Variants in GPAT4 observed in about 807,000 individuals in gnomAD.
GPAT4 encodes the protein glycerol-3-phosphate acyltransferase 4.
Under a neutral mutation model 58.0 loss-of-function variants are expected in GPAT4, and 17 were observed. That is an observed-to-expected ratio of 0.29 (90% CI 0.20 to 0.44). GPAT4 has a LOEUF of 0.44. Among genes scored for constraint, GPAT4 ranks in the 20% least tolerant of loss-of-function variants. The probability of loss-of-function intolerance (pLI) is 1.00; values close to 1 mark genes in which losing one functional copy is unlikely to be tolerated. For synonymous variants in GPAT4, 204 were observed against 210.1 expected, an observed-to-expected ratio of 0.97 and a Z score of 0.25; for missense variants, 377 against 574.5, an observed-to-expected ratio of 0.66 and a Z score of 3.51.
rs1185768107 is a variant in GPAT4 at position 41,598,817 on chromosome 8, C to G, written c.-323C>G. The G allele has an allele frequency of 3.5e-6, 1 of 288,148 alleles. No homozygotes were observed. Among genetic ancestry groups the G allele is most frequent in the African/African-American group, 2.2e-5 (1 of 45,098 alleles). The allele number at this position is 288,148 out of a possible 1,614,324, so 17.8% of individuals were successfully genotyped here. A position where few individuals can be genotyped will look rare whatever the true frequency, so the allele number is the denominator to read the frequency against. ...GCATCAGGACAGCAGAGCAGAGCCC[C>G]CGTCCTCACTGCTCACTTGCACAGA... On this transcript the variant is annotated 5_prime_UTR_variant, in exon 2 of 13. Transcript: ENST00000396987.
intron 1 of GPAT4, among the ~76,000 whole-genome samples, chr8:41,581,914 T>G (rs1210913980): frequency 2.1e-5 from 3 of 143,938 alleles, no homozygotes; most frequent in Non-Finnish European, 3.0e-5. Flanking sequence ...ATTACAGGCG[T>G]GAGCCATCGC....
intron 1 of GPAT4, among the ~76,000 whole-genome samples, chr8:41,596,281 C>T (rs549557954): frequency 1.1e-4 from 17 of 152,192 alleles, no homozygotes; most frequent in Admixed American, 3.9e-4. Context: ...AAACAAAGAA[C>T]GGGTAAAAAG....
Position 41,599,033 on chromosome 8 carries a change from T to C in GPAT4, c.-107T>C. ...ACTTTGGAATGGGGTTTGCTGTTCT[T>C]CGGGAACTTGCTTCCTTTCCCTGGC... On this transcript the variant is annotated 5_prime_UTR_variant, in exon 2 of 13. Coordinates refer to ENST00000396987, the MANE Select transcript of GPAT4 (RefSeq NM_178819.4). 1 of 1,430,886 alleles carries C rather than the reference T, an allele frequency of 7.0e-7. No individual in the cohort carries two copies. Among genetic ancestry groups the C allele is most frequent in the Non-Finnish European group, 9.4e-7 (1 of 1,059,972 alleles). The allele number at this position is 1,430,886 out of a possible 1,614,324, so 88.6% of individuals were successfully genotyped here. A position where few individuals can be genotyped will look rare whatever the true frequency, so the allele number is the denominator to read the frequency against.
At chr8:41,593,721 T>C (rs1802853591) in intron 1 of GPAT4, among the ~76,000 whole-genome samples, 2 of 152,236 alleles carry the variant, frequency 1.3e-5, no homozygotes, top group African/African-American at 4.8e-5. Flanking sequence ...AACGTGATCC[T>C]CAGGCTGGTG....
chr8:41,591,364 C>G (rs1802784837), intron 1 of GPAT4, among the ~76,000 whole-genome samples: 1 of 152,156 alleles, frequency 6.6e-6, no homozygotes, highest in African/African-American at 2.4e-5. Context: ...AGAAATTGGG[C>G]ATAAGACAGT....
chr8:41,611,143 T>G (rs759234548), intron 5 of GPAT4, among the ~76,000 whole-genome samples: 1 of 152,196 alleles, frequency 6.6e-6, no homozygotes, highest in Non-Finnish European at 1.5e-5. Context: ...GGAGAATCCT[T>G]GAATCCAGGG....
At chr8:41,582,124 C>G (rs1802531938) in intron 1 of GPAT4, among the ~76,000 whole-genome samples, 1 of 145,508 alleles carries the variant, frequency 6.9e-6, no homozygotes, top group South Asian at 2.3e-4. Context: ...ATTTCCCTAT[C>G]TCCCAAGTAG....
chr8:41,621,290 A>T lies in GPAT4; in HGVS notation c.*289A>T. 2.4e-6 allele frequency: 1 copy of T among 417,630 alleles called. No homozygotes were observed. The allele number at this position is 417,630 out of a possible 1,614,324, so 25.9% of individuals were successfully genotyped here. On this transcript the variant is annotated 3_prime_UTR_variant, in exon 13 of 13. Transcript: ENST00000396987. ...GGAATGCCATTAAAGTGAACTCCCC[A>T]CCTTTGCACGCTGTGCGGGCTGAGT... is the stretch of plus-strand genomic sequence containing the variant.
intron 1 of GPAT4, among the ~76,000 whole-genome samples, chr8:41,594,512 T>C (rs1802869592): frequency 6.6e-6 from 1 of 152,008 alleles, no homozygotes; most frequent in South Asian, 2.1e-4. Flanking sequence ...CAGACAATTC[T>C]TCGATATGTC....
intron 12 of GPAT4, among the ~76,000 whole-genome samples, chr8:41,620,257 G>C (rs1803708601): frequency 6.6e-6 from 1 of 151,522 alleles, no homozygotes; most frequent in African/African-American, 2.4e-5. Context: ...GCAGGCAAGA[G>C]GCAATGGGAC....
chr8:41,613,323 T>G (rs1435856217), intron 8 of GPAT4, among the ~76,000 whole-genome samples: 1 of 152,018 alleles, frequency 6.6e-6, no homozygotes, highest in African/African-American at 2.4e-5. Context: ...GTGACAGAGG[T>G]TGCAGTGAGC....
chr8:41,603,582 T>G (rs1274882447), intron 2 of GPAT4, among the ~76,000 whole-genome samples: 1 of 151,350 alleles, frequency 6.6e-6, no homozygotes. Context: ...TTAACTGATC[T>G]GGGTAGGCGT....
At chr8:41,605,551 TTTGTTTGTTTG>T (rs1563275511) in intron 2 of GPAT4, among the ~76,000 whole-genome samples, 1 of 1,496 alleles carries the variant, frequency 6.7e-4, no homozygotes, top group African/African-American at 2.2e-3. Context: ...TTGTGTTTTG[TTTGTTTGTTTG>T]TTTGTTTGTT....
At chr8:41,612,327 T>G in intron 7 of GPAT4, 54 bp downstream of exon 7, 1 of 1,586,926 alleles carries the variant, frequency 6.3e-7, no homozygotes. Flanking sequence ...TTTAGAGTGG[T>G]CAGGGCTAGG....
In GPAT4 at chr8:41,611,933, C is replaced by T; in HGVS notation, c.642C>T (p.His214=). The change falls in exon 6 of 13, where the codon CAC becomes CAT. Residue 214 remains histidine (H), a synonymous_variant. Transcript: ENST00000396987. The stretch of plus-strand genomic sequence containing the variant: ...AGGAGTTCATGAGTAAACATGTTCA[C>T]TTAATGTGTTACCGGATCTGCGTGC... ...RFKEFMSKHV[H]LMCYRICVRA... is the part of the protein sequence containing the mutation. The T allele has an allele frequency of 6.2e-7, 1 of 1,614,218 alleles. No homozygotes were observed.
Position 41,612,206 on chromosome 8 carries a change from T to A in GPAT4, c.728T>A (p.Ile243Asn). The stretch of plus-strand genomic sequence containing the variant: ...GAAAACAGACCAAGAAATGGTGGCA[T>A]CTGTGTGGCCAATCATACCTCACCG... ...DRENRPRNGG[I>N]CVANHTSPID... The change falls in exon 7 of 13, where the codon ATC (isoleucine) becomes AAC (asparagine). Residue 243 changes from isoleucine (I) to asparagine (N), a missense_variant. Physicochemically the swap from Ile to Asn is moderately radical, Grantham distance 149. Transcript: ENST00000396987. The A allele has an allele frequency of 6.2e-7, 1 of 1,614,242 alleles. No individual in the cohort carries two copies. Among genetic ancestry groups the A allele is most frequent in the Non-Finnish European group, 8.5e-7 (1 of 1,180,046 alleles).
At chr8:41,607,984 A>G (rs1803329968) in intron 2 of GPAT4, among the ~76,000 whole-genome samples, 1 of 152,242 alleles carries the variant, frequency 6.6e-6, no homozygotes, top group African/African-American at 2.4e-5. Flanking sequence ...AGTTCCAGGA[A>G]ACCAGATGAG....
intron 2 of GPAT4, among the ~76,000 whole-genome samples, chr8:41,609,162 A>C (rs962379948): frequency 1.2e-4 from 18 of 152,226 alleles, no homozygotes; most frequent in African/African-American, 4.3e-4. Context: ...GTGAGGAACT[A>C]GGCCTGAGGA....
chr8:41,591,164 G>C (rs562350821), intron 1 of GPAT4, among the ~76,000 whole-genome samples: 3 of 152,044 alleles, frequency 2.0e-5, no homozygotes, highest in Admixed American at 6.6e-5. Context: ...TGCATGCACC[G>C]GTAATCAGAA....
Sources: allele counts gnomAD v4.1 joint callset (sites outside exome capture counted in the v4.1 genomes callset), GRCh38; gene constraint gnomAD v4.1.1; transcripts MANE v1.5; gene names NCBI Gene and HGNC (gene_info 2026-07-23, HGNC 2026-07-21).